The following PLOD2 variants were observed in gnomAD, a reference collection of about 807,000 sequenced individuals.
PLOD2 encodes the protein lysine hydroxylase 2.
Under a neutral mutation model 101.0 loss-of-function variants are expected in PLOD2, and 65 were observed. That is an observed-to-expected ratio of 0.64 (90% CI 0.53 to 0.79). PLOD2 has a LOEUF of 0.79. Among genes scored for constraint, PLOD2 ranks in the 30% least tolerant of loss-of-function variants. The probability of loss-of-function intolerance (pLI) is 0.00; values close to 1 mark genes in which losing one functional copy is unlikely to be tolerated. For synonymous variants in PLOD2, 314 were observed against 302.9 expected (o/e 1.04, Z -0.38); for missense variants, 909 against 914.6 (o/e 0.99, Z 0.08).
intron 1 of PLOD2, among the ~76,000 whole-genome samples, chr3:146,156,973 T>C (rs1442074479): frequency 6.6e-6 from 1 of 152,228 alleles, no homozygotes; most frequent in Admixed American, 6.5e-5. Context: ...TGCCACTTTG[T>C]ATTGAGTAAA....
intron 7 of PLOD2, among the ~76,000 whole-genome samples, chr3:146,094,989 A>G (rs1937100298): frequency 6.6e-6 from 1 of 152,196 alleles, no homozygotes; most frequent in Admixed American, 6.5e-5. Flanking sequence ...CCTATTTAAT[A>G]TGTAGTGCTG....
intron 1 of PLOD2, among the ~76,000 whole-genome samples, chr3:146,151,571 G>T (rs1407643857): frequency 6.6e-6 from 1 of 152,142 alleles, no homozygotes; most frequent in African/African-American, 2.4e-5. Context: ...ATCTGACGAG[G>T]CTCAAGAATC....
At chr3:146,122,807 T>C (rs1451664474) in intron 2 of PLOD2, among the ~76,000 whole-genome samples, 2 of 152,188 alleles carry the variant, frequency 1.3e-5, no homozygotes, top group African/African-American at 4.8e-5. Flanking sequence ...ATGGTTCATA[T>C]AGTGACTTAA....
intron 11 of PLOD2, 21 bp downstream of exon 11, chr3:146,085,148 A>T (rs376596937): frequency 3.9e-6 from 4 of 1,014,074 alleles, no homozygotes; most frequent in Non-Finnish European, 6.3e-6. Context: ...CAATAAATTG[A>T]TATCGAATTT....
chr3:146,143,304 T>TA (rs77375083), intron 1 of PLOD2, among the ~76,000 whole-genome samples: 63,845 of 150,342 alleles, frequency 0.42, 13,711 homozygotes, highest in East Asian at 0.56. Context: ...AGTGAGAATA[T>TA]AAAAAAAAAG....
At chr3:146,086,628 C>G in intron 10 of PLOD2, 159 bp downstream of exon 10, 1 of 442,562 alleles carries the variant, frequency 2.3e-6, no homozygotes, top group South Asian at 4.7e-5. Context: ...TGTATAAATA[C>G]GTACAAACAT....
At chr3:146,086,960 T>C in intron 9 of PLOD2, 52 bp from the exon 10 acceptor site, 1 of 1,137,530 alleles carries the variant, frequency 8.8e-7, no homozygotes, top group Non-Finnish European at 1.3e-6. Context: ...ATCAGATGAC[T>C]GAAGTATTCA....
intron 11 of PLOD2, among the ~76,000 whole-genome samples, chr3:146,083,230 AG>A (rs1936624970): frequency 6.6e-6 from 1 of 152,228 alleles, no homozygotes; most frequent in African/African-American, 2.4e-5. Context: ...ATGGCAGCTG[AG>A]GAATGATTCA....
intron 1 of PLOD2, among the ~76,000 whole-genome samples, chr3:146,157,725 T>G (rs1456244192): frequency 6.6e-6 from 1 of 152,218 alleles, no homozygotes; most frequent in African/African-American, 2.4e-5. Flanking sequence ...TAGTTTTATA[T>G]GTCTGTTGTC....
chr3:146,098,385 T>C (rs560168205), intron 7 of PLOD2, among the ~76,000 whole-genome samples: 1 of 152,272 alleles, frequency 6.6e-6, no homozygotes, highest in African/African-American at 2.4e-5. Context: ...AATTGATTCA[T>C]ATTAGATTTA....
chr3:146,106,235 A>T (rs561833290), intron 5 of PLOD2, among the ~76,000 whole-genome samples: 1 of 152,300 alleles, frequency 6.6e-6, no homozygotes, highest in African/African-American at 2.4e-5. Context: ...GTTTCAATAC[A>T]TATAGCACTG....
rs1936401948 is a variant in PLOD2, at chr3:146,077,907, T to C, written c.1518A>G (p.Lys506=). 1 of 1,590,076 alleles carries C rather than the reference T, an allele frequency of 6.3e-7. No homozygotes were observed. ...NAREMTLQRE[K]DSPTPETFQM... is the part of the protein sequence containing the mutation. ...GGAATGTTTCCGGAGTAGGGGAGTC[T>C]TTTTCCCTTTGTAAAGTCTAAAATG... Residue 506 remains lysine (K), a synonymous_variant, in exon 14 of 20, where the codon AAA becomes AAG. Coordinates refer to ENST00000282903, the MANE Select transcript of PLOD2 (RefSeq NM_182943.3).
At position 146,160,942 on chromosome 3, in the gene PLOD2, G is replaced by T; in HGVS notation, c.48C>A (p.Val16=). ...VKPQLLLLAL[V]LHPWNPCLGA... is the part of the protein sequence containing the mutation. The stretch of plus-strand genomic sequence containing the variant: ...CCAGACAGGGATTCCAGGGGTGGAG[G>T]ACGAGCGCCAGGAGCAGCAGCTGAG... Residue 16 remains valine, a synonymous_variant, in exon 1 of 20, where the codon GTC becomes GTA. Transcript: ENST00000282903. 3 of 1,600,952 alleles carry T rather than the reference G, an allele frequency of 1.9e-6. No homozygotes were observed. Among genetic ancestry groups the T allele is most frequent in the Non-Finnish European group, 2.6e-6 (3 of 1,174,204 alleles).
intron 10 of PLOD2, chr3:146,086,091 T>A (rs1256680601): frequency 1.3e-5 from 2 of 152,252 alleles, no homozygotes. Flanking sequence ...GCCTCTTTTC[T>A]GTCTATCCCT....
At chr3:146,159,762 G>T (rs1268746318) in intron 1 of PLOD2, among the ~76,000 whole-genome samples, 1 of 152,188 alleles carries the variant, frequency 6.6e-6, no homozygotes, top group East Asian at 1.9e-4. Flanking sequence ...GTAACTGATA[G>T]AAATCCATCT....
At chr3:146,078,571 G>T (rs1936423525) in intron 13 of PLOD2, among the ~76,000 whole-genome samples, 1 of 151,704 alleles carries the variant, frequency 6.6e-6, no homozygotes, top group South Asian at 2.1e-4. Context: ...GTGCAGCAAG[G>T]TATCATTAGT....
At chr3:146,091,467 A>C (rs1262759354) in intron 8 of PLOD2, among the ~76,000 whole-genome samples, 1 of 151,966 alleles carries the variant, frequency 6.6e-6, no homozygotes, top group African/African-American at 2.4e-5. Flanking sequence ...AAAATTAGTC[A>C]ATAAAAATGC....
At chr3:146,099,348 TAAGGCCTTATCCATAATC>T (rs1414247766) in intron 7 of PLOD2, among the ~76,000 whole-genome samples, 2 of 152,122 alleles carry the variant, frequency 1.3e-5, no homozygotes, top group African/African-American at 4.8e-5. Context: ...TCACTGAACA[TAAGGCCTTATCCATAATC>T]ACTAAATTCT....
chr3:146,088,604 T>C lies in PLOD2; in HGVS notation c.987A>G (p.Lys329=), dbSNP rs922960421. ...LTLDYPKEAL[K]LFIHNKEVYH... is the part of the protein sequence containing the mutation. ...TACTTACTTTGTTATGAATAAAAAG[T>C]TTAAGTGCTTCTTTTGGGTAATCCA... The change falls in exon 9 of 20, where the codon AAA becomes AAG. Residue 329 remains lysine, a synonymous_variant. Transcript: ENST00000282903. 1.8e-5 allele frequency: 28 copies of C among 1,579,812 alleles called. No individual in the cohort carries two copies. Among genetic ancestry groups the C allele is most frequent in the Non-Finnish European group, 2.3e-5 (26 of 1,149,924 alleles).
Sources: allele counts gnomAD v4.1 joint callset (sites outside exome capture counted in the v4.1 genomes callset), GRCh38; gene constraint gnomAD v4.1.1; transcripts MANE v1.5; gene names NCBI Gene and HGNC (gene_info 2026-07-23, HGNC 2026-07-21).